The following ZBTB8A variants were observed in gnomAD, a reference collection of about 807,000 sequenced individuals.
ZBTB8A encodes zinc finger and BTB domain-containing protein 8A.
A neutral mutation model predicts 37.8 loss-of-function variants in ZBTB8A; 19 were observed. The ratio of observed to expected loss-of-function variants is 0.50; its 90% CI spans 0.35 to 0.74. The LOEUF is 0.74. Among genes scored for constraint, ZBTB8A ranks in the 30% least tolerant of loss-of-function variants. The probability of loss-of-function intolerance (pLI) is 0.01; values close to 1 mark genes in which losing one functional copy is unlikely to be tolerated. For missense variants in ZBTB8A, 394 were observed against 537.8 expected, an observed-to-expected ratio of 0.73 and a Z score of 2.65; for synonymous variants, 181 against 185.2, an observed-to-expected ratio of 0.98 and a Z score of 0.19.
intron 2 of ZBTB8A, among the ~76,000 whole-genome samples, chr1:32,582,654 G>A (rs1018793134): frequency 6.7e-6 from 1 of 149,288 alleles, no homozygotes; most frequent in African/African-American, 2.5e-5. Context: ...AAAAAAAAAA[G>A]AAGGATACTC....
chr1:32,577,682 A>G (rs1644373593), intron 2 of ZBTB8A, among the ~76,000 whole-genome samples: 1 of 149,682 alleles, frequency 6.7e-6, no homozygotes, highest in African/African-American at 2.5e-5. Flanking sequence ...CCCAGGTTCA[A>G]ATGATTCTCA....
chr1:32,593,541 A>G lies in ZBTB8A; in HGVS notation c.610A>G (p.Lys204Glu), dbSNP rs760326477. 2 of 1,614,236 alleles carry G rather than the reference A, an allele frequency of 1.2e-6. No homozygotes were observed. Among genetic ancestry groups the G allele is most frequent in the South Asian group, 1.1e-5 (1 of 91,086 alleles). The change falls in exon 3 of 5, where the codon AAA (lysine) becomes GAA (glutamate). Residue 204 changes from lysine (K) to glutamate (E), a missense_variant. Lys to Glu is a moderately conservative substitution (Grantham distance 56). This residue lies in a region of ZBTB8A where 171 missense variants were observed against 186.8 expected (regional missense o/e 0.92). Coordinates refer to ENST00000373510, the MANE Select transcript of ZBTB8A (RefSeq NM_001040441.3). ...ACCCTTGGCCAAGCATGAACCAAGGAAAGAGTCCATTAAAAAGACCAAACA... is the reference window on the plus strand; with the variant it reads ...ACCCTTGGCCAAGCATGAACCAAGGGAAGAGTCCATTAAAAAGACCAAACA... ...QQPLAKHEPR[K>E]ESIKKTKHLR...
At chr1:32,555,973 A>T (rs1644198686) in intron 2 of ZBTB8A, among the ~76,000 whole-genome samples, 1 of 151,988 alleles carries the variant, frequency 6.6e-6, no homozygotes, top group Non-Finnish European at 1.5e-5. Context: ...CAGTGGAGCA[A>T]TCACTGCTCA....
In ZBTB8A at chr1:32,572,870, T is replaced by A. The variant is rs1200382785; in HGVS notation, c.-2+19330T>A. Among the ~76,000 whole-genome samples the A allele has an allele frequency of 2.0e-5, 3 of 148,648 alleles. No individual in the cohort carries two copies. The East Asian group carries it at 6.4e-4, about 32-fold the overall frequency. On this transcript the variant is annotated intron_variant, in intron 2 of 4. Transcript: ENST00000373510. ...CTAATACTGGTAATTTATGTCTTCTTTTTTTTTTTCTTGGTTGATCTAGCT... is the reference window on the plus strand; with the variant it reads ...CTAATACTGGTAATTTATGTCTTCTATTTTTTTTTCTTGGTTGATCTAGCT...
intron 2 of ZBTB8A, among the ~76,000 whole-genome samples, chr1:32,554,369 C>G (rs1299791352): frequency 6.6e-6 from 1 of 151,542 alleles, no homozygotes; most frequent in Non-Finnish European, 1.5e-5. Flanking sequence ...ATTTTGAATA[C>G]TCTCTTAAGG....
chr1:32,593,004 G>A lies in ZBTB8A; in HGVS notation c.73G>A (p.Asp25Asn), dbSNP rs1644501560. 6.2e-7 allele frequency: 1 copy of A among 1,614,086 alleles called. No individual in the cohort carries two copies. The highest frequency in any genetic ancestry group is 1.7e-5 in the Admixed American group (1 of 60,004). Residue 25 changes from aspartate to asparagine, a missense_variant, in exon 3 of 5, where the codon GAC becomes AAC. Asp to Asn is a conservative substitution (Grantham distance 23). Transcript: ENST00000373510. Reference sequence around the variant, plus strand: ...GCAGCGCAGGCAAGATGTATTTTGTGACTGCAGTATTCTAGTTGAAGGGAA... The same window carrying A: ...GCAGCGCAGGCAAGATGTATTTTGTAACTGCAGTATTCTAGTTGAAGGGAA... ...NEQRRQDVFC[D>N]CSILVEGKVF...
At chr1:32,560,025 G>T (rs888749192) in intron 2 of ZBTB8A, among the ~76,000 whole-genome samples, 1 of 152,076 alleles carries the variant, frequency 6.6e-6, no homozygotes, top group Non-Finnish European at 1.5e-5. Context: ...TTCTGCTTCT[G>T]GGGAGGCCTC....
intron 2 of ZBTB8A, among the ~76,000 whole-genome samples, chr1:32,579,007 G>A (rs932128510): frequency 6.6e-6 from 1 of 152,090 alleles, no homozygotes; most frequent in African/African-American, 2.4e-5. Context: ...TGATTTGGAG[G>A]CTTGTTTTTA....
chr1:32,581,299 TTATATAATAA>T (rs2148241032), intron 2 of ZBTB8A, among the ~76,000 whole-genome samples: 1 of 115,784 alleles, frequency 8.6e-6, no homozygotes, highest in African/African-American at 3.3e-5. Flanking sequence ...TATTTATATA[TTATATAATAA>T]TATATAATAT....
intron 1 of ZBTB8A, among the ~76,000 whole-genome samples, chr1:32,545,352 CTT>C (rs1291340401): frequency 6.6e-6 from 1 of 152,118 alleles, no homozygotes; most frequent in East Asian, 1.9e-4. Context: ...CTAAACATCT[CTT>C]CATGTGCTTA....
At chr1:32,587,421 AT>A (rs1350483462) in intron 2 of ZBTB8A, among the ~76,000 whole-genome samples, 1 of 152,006 alleles carries the variant, frequency 6.6e-6, no homozygotes, top group Non-Finnish European at 1.5e-5. Context: ...CCTAAGATGG[AT>A]AAGACTGTAG....
chr1:32,593,418 C>A lies in ZBTB8A; in HGVS notation c.487C>A (p.Arg163Ser), dbSNP rs201922748. The A allele has an allele frequency of 6.2e-7, 1 of 1,613,896 alleles. No individual in the cohort carries two copies. Among genetic ancestry groups the A allele is most frequent in the African/African-American group, 1.3e-5 (1 of 74,930 alleles). The change falls in exon 3 of 5, where the codon CGT (arginine) becomes AGT (serine). Residue 163 changes from arginine to serine, a missense_variant. Physicochemically the swap from Arg to Ser is moderately radical, Grantham distance 110. Transcript: ENST00000373510. ...CTGGCAAGAAGGAAGCAGTTCTCCA[C>A]GTTCTCACCTAAGCCCAGAGCAAGG... ...GGWQEGSSSP[R>S]SHLSPEQGTG...
rs759692498 is a variant in ZBTB8A, at chr1:32,600,377, T to TGAA, written c.1297_1299dup (p.Glu433dup). 1.7e-5 allele frequency: 27 copies of TGAA among 1,613,164 alleles called. No homozygotes were observed. The African/African-American group carries it at 2.3e-4, about 14-fold the overall frequency. On this transcript the variant is annotated inframe_insertion, in exon 5 of 5. Transcript: ENST00000373510. ...TGGTCATCCAACAGGTTGATGATAG[T>TGAA]GAAGAAGAAGAAGAAAAAGAAATTA...
At chr1:32,582,634 A>ACT (rs200584855) in intron 2 of ZBTB8A, among the ~76,000 whole-genome samples, 6 of 150,526 alleles carry the variant, frequency 4.0e-5, no homozygotes, top group East Asian at 2.0e-4. Context: ...CAGGAGTGAA[A>ACT]CTCTCTCAAA....
intron 2 of ZBTB8A, among the ~76,000 whole-genome samples, chr1:32,570,861 C>T (rs1177819435): frequency 6.6e-6 from 1 of 151,422 alleles, no homozygotes; most frequent in Non-Finnish European, 1.5e-5. Flanking sequence ...TTCCTTGTTA[C>T]TCTTTATGCC....
chr1:32,601,432 C>T lies in ZBTB8A; in HGVS notation c.*1013C>T, dbSNP rs764453693. The T allele has an allele frequency of 3.4e-4, 126 of 369,772 alleles. No individual in the cohort carries two copies. The highest frequency in any genetic ancestry group is 5.4e-4 in the Non-Finnish European group (112 of 208,544). 22.9% of individuals were successfully genotyped at this position (369,772 alleles called of 1,614,324 possible). On this transcript the variant is annotated 3_prime_UTR_variant, in exon 5 of 5. Coordinates refer to ENST00000373510, the MANE Select transcript of ZBTB8A (RefSeq NM_001040441.3). ...GAAGTTGCAGTGAGCCGAGATCACA[C>T]CATTGCACTCCAGCCTGGGCAACAA...
rs1020416727 is a variant in ZBTB8A, at chr1:32,604,359, C to T, written c.*3940C>T. 7.2e-5 allele frequency: 11 copies of T among 152,110 alleles called. No individual in the cohort carries two copies. The highest frequency in any genetic ancestry group is 1.5e-4 in the Non-Finnish European group (10 of 68,006). The allele number at this position is 152,110 out of a possible 1,614,324, so 9.4% of individuals were successfully genotyped here. A position where few individuals can be genotyped will look rare whatever the true frequency, so the allele number is the denominator to read the frequency against. On this transcript the variant is annotated 3_prime_UTR_variant, in exon 5 of 5. Transcript: ENST00000373510. ...AAATCAGAGCTGCTGTGGTTAAAGT[C>T]CCCCACAAACCTTTCCCCAGACACC...
At chr1:32,567,812 A>AG (rs1557707641) in intron 2 of ZBTB8A, among the ~76,000 whole-genome samples, 1 of 45,194 alleles carries the variant, frequency 2.2e-5, no homozygotes, top group Non-Finnish European at 4.0e-5. Context: ...AAAAAAAAAA[A>AG]AAAAAAAAAA....
chr1:32,591,480 A>G (rs1011111899), intron 2 of ZBTB8A, among the ~76,000 whole-genome samples: 1 of 151,984 alleles, frequency 6.6e-6, no homozygotes, highest in Non-Finnish European at 1.5e-5. Flanking sequence ...CTGACTCCCA[A>G]AGTGCTGGGA....
Sources: gnomAD v4.1 joint callset for allele counts (sites outside exome capture counted in the v4.1 genomes callset) on GRCh38, gnomAD v4.1.1 for gene constraint, gnomAD v4.1.1 regional missense constraint, MANE v1.5 for transcripts, NCBI Gene and HGNC (gene_info 2026-07-23, HGNC 2026-07-21) for gene names.